The following TM4SF4 variants were observed in gnomAD, a reference collection of about 807,000 sequenced individuals.
TM4SF4 encodes the protein transmembrane 4 L six family member 4.
In TM4SF4, 24 loss-of-function variants were observed where a neutral mutation model predicts 24.1. That is an observed-to-expected ratio of 1.00 (90% CI 0.72 to 1.40). The LOEUF is 1.40. Among genes scored for constraint, TM4SF4 ranks in the 40% most tolerant of loss-of-function variants. The pLI is 0.00. For missense variants in TM4SF4, 254 were observed against 254.2 expected (o/e 1.00, Z 0.01); for synonymous variants, 113 against 97.0 (o/e 1.17, Z -0.97).
At chr3:149,475,989 G>A (rs1576515979) in intron 2 of TM4SF4, 77 bp downstream of exon 2, 1 of 1,282,156 alleles carries the variant, frequency 7.8e-7, no homozygotes, top group East Asian at 2.5e-5. Flanking sequence ...CATGGGGATG[G>A]AGACAAGTTA....
chr3:149,483,838 C>T (rs1367589858), intron 2 of TM4SF4, among the ~76,000 whole-genome samples: 1 of 152,040 alleles, frequency 6.6e-6, no homozygotes, highest in Non-Finnish European at 1.5e-5. Flanking sequence ...TGGAGTGCAG[C>T]GGTGTGATCT....
chr3:149,486,598 G>A (rs1233932183), intron 2 of TM4SF4, among the ~76,000 whole-genome samples: 1 of 152,206 alleles, frequency 6.6e-6, no homozygotes, highest in East Asian at 1.9e-4. Context: ...GCCTTTTGCA[G>A]TCAATAATTC....
At chr3:149,498,960 C>T (rs751879983) in intron 4 of TM4SF4, 49 bp downstream of exon 4, 21 of 1,597,980 alleles carry the variant, frequency 1.3e-5, no homozygotes, top group Non-Finnish European at 1.8e-5. Context: ...GAGGCCAGGT[C>T]AGGCCACTAG....
Position 149,476,271 on chromosome 3 carries a change from C to T in TM4SF4, c.264+359C>T, listed in dbSNP as rs541629681. 2.5e-3 allele frequency among the ~76,000 whole-genome samples: 380 copies of T among 152,290 alleles called. 2 individuals carry two copies. The highest frequency in any genetic ancestry group is 7.8e-3 in the African/African-American group (326 of 41,548). The stretch of plus-strand genomic sequence containing the variant: ...ATAAGAACTTGGACAAGTCATTTCC[C>T]TTTTCTGGCCCTGAATTGCCTCATC... On this transcript the variant is annotated intron_variant, in intron 2 of 4. Transcript: ENST00000305354.
intron 2 of TM4SF4, among the ~76,000 whole-genome samples, chr3:149,476,702 T>C (rs774623503): frequency 1.3e-5 from 2 of 152,204 alleles, no homozygotes; most frequent in Admixed American, 1.3e-4. Flanking sequence ...GTCATTCCCA[T>C]TCAATTCTCC....
intron 3 of TM4SF4, among the ~76,000 whole-genome samples, chr3:149,494,166 G>A (rs1158789441): frequency 6.6e-6 from 1 of 152,180 alleles, no homozygotes; most frequent in African/African-American, 2.4e-5. Context: ...AACTGAACGT[G>A]AACACAGGCT....
chr3:149,475,536 C>T (rs1733913167), intron 1 of TM4SF4, among the ~76,000 whole-genome samples: 1 of 152,218 alleles, frequency 6.6e-6, no homozygotes, highest in Admixed American at 6.5e-5. Context: ...GAGAGACTCA[C>T]TCTTCATGAC....
intron 2 of TM4SF4, among the ~76,000 whole-genome samples, chr3:149,486,355 G>A (rs1338282684): frequency 1.3e-5 from 2 of 152,204 alleles, no homozygotes; most frequent in Non-Finnish European, 2.9e-5. Flanking sequence ...GAGAAGACTA[G>A]CAAAGCTGAG....
In TM4SF4 at chr3:149,475,927, G is replaced by A; in HGVS notation, c.264+15G>A. The A allele has an allele frequency of 1.2e-6, 2 of 1,602,988 alleles. No homozygotes were observed. The highest frequency in any genetic ancestry group is 1.7e-6 in the Non-Finnish European group (2 of 1,173,552). On this transcript the variant is annotated intron_variant, in intron 2 of 4. Transcript: ENST00000305354. ...AGCGATTTGCGGTGAGTTACCATGG[G>A]GGGCAGCTACTAGAATTACTCCAGG...
intron 2 of TM4SF4, among the ~76,000 whole-genome samples, chr3:149,482,970 A>G (rs1734060976): frequency 6.6e-6 from 1 of 152,200 alleles, no homozygotes; most frequent in Admixed American, 6.5e-5. Flanking sequence ...AGACTTCCCA[A>G]TGTGAAATAA....
rs1222567483 is a variant in TM4SF4, at chr3:149,503,057, A to G, written c.*364A>G. 5.7e-6 allele frequency: 1 copy of G among 176,964 alleles called. No individual in the cohort carries two copies. Among genetic ancestry groups the G allele is most frequent in the Non-Finnish European group, 1.2e-5 (1 of 84,646 alleles). 11.0% of individuals were successfully genotyped at this position (176,964 alleles called of 1,614,324 possible). A position where few individuals can be genotyped will look rare whatever the true frequency, so the allele number is the denominator to read the frequency against. ...TATATAAAGATGTTTATATCTTTGG[A>G]AGTTTTACATAAATCAAAGGAAGAA... On this transcript the variant is annotated 3_prime_UTR_variant, in exon 5 of 5. Transcript: ENST00000305354.
chr3:149,475,867 C>T lies in TM4SF4; in HGVS notation c.219C>T (p.Asp73=). 1 of 1,613,180 alleles carries T rather than the reference C, an allele frequency of 6.2e-7. No individual in the cohort carries two copies. The highest frequency in any genetic ancestry group is 8.5e-7 in the Non-Finnish European group (1 of 1,179,642). The part of the protein sequence containing the change: ...ALVFLGLKNN[D]CCGCCGNEGC... ...TGTTCTTGGGCCTGAAGAACAATGA[C>T]TGCTGTGGGTGCTGCGGCAACGAGG... Residue 73 remains aspartate (D), a synonymous_variant, in exon 2 of 5, where the codon GAC becomes GAT. Coordinates refer to ENST00000305354, the MANE Select transcript of TM4SF4 (RefSeq NM_004617.4).
At chr3:149,477,701 CT>C (rs1733956885) in intron 2 of TM4SF4, among the ~76,000 whole-genome samples, 1 of 152,006 alleles carries the variant, frequency 6.6e-6, no homozygotes, top group African/African-American at 2.4e-5. Context: ...ACAAAGAGTT[CT>C]TTTTAAAAAA....
chr3:149,485,139 G>A (rs1734093882), intron 2 of TM4SF4, among the ~76,000 whole-genome samples: 1 of 152,222 alleles, frequency 6.6e-6, no homozygotes, highest in African/African-American at 2.4e-5. Context: ...GAGGAATAAT[G>A]TGAGAGTGAA....
Position 149,475,874 on chromosome 3 carries a change from G to T in TM4SF4, c.226G>T (p.Gly76Trp). Residue 76 changes from glycine to tryptophan, a missense_variant, in exon 2 of 5, where the codon GGG (glycine) becomes TGG (tryptophan). Physicochemically the swap from Gly to Trp is radical, Grantham distance 184. Transcript: ENST00000305354. ...GGGCCTGAAGAACAATGACTGCTGT[G>T]GGTGCTGCGGCAACGAGGGCTGTGG... The part of the protein sequence containing the change: ...FLGLKNNDCC[G>W]CCGNEGCGKR... 2 of 1,613,168 alleles carry T rather than the reference G, an allele frequency of 1.2e-6. No individual in the cohort carries two copies. The highest frequency in any genetic ancestry group is 1.7e-6 in the Non-Finnish European group (2 of 1,179,628).
intron 3 of TM4SF4, chr3:149,495,802 G>T: frequency 4.7e-6 from 1 of 211,678 alleles, no homozygotes; most frequent in South Asian, 7.6e-5. Flanking sequence ...CTCGAAATCC[G>T]GTGATGCTGC....
intron 2 of TM4SF4, among the ~76,000 whole-genome samples, chr3:149,482,800 T>C (rs1734058146): frequency 6.6e-6 from 1 of 152,224 alleles, no homozygotes. Context: ...AGCTTTGGCC[T>C]CCCAAAGTGC....
chr3:149,492,433 A>G (rs1003389806), intron 3 of TM4SF4, among the ~76,000 whole-genome samples: 11 of 152,116 alleles, frequency 7.2e-5, no homozygotes, highest in African/African-American at 2.4e-4. Context: ...TTTGAAATAT[A>G]CCCTCTTGGT....
intron 2 of TM4SF4, among the ~76,000 whole-genome samples, chr3:149,483,395 G>T (rs1184002012): frequency 6.6e-6 from 1 of 152,058 alleles, no homozygotes; most frequent in African/African-American, 2.4e-5. Flanking sequence ...AAGGAGGATG[G>T]CTTGAGACCA....
Sources: allele counts gnomAD v4.1 joint callset (sites outside exome capture counted in the v4.1 genomes callset), GRCh38; gene constraint gnomAD v4.1.1; transcripts MANE v1.5; gene names NCBI Gene and HGNC (gene_info 2026-07-23, HGNC 2026-07-21).